The following TNRC6A variants were observed in gnomAD, a reference collection of about 807,000 sequenced individuals.
The protein encoded by TNRC6A is trinucleotide repeat-containing gene 6A protein.
A neutral mutation model predicts 221.2 loss-of-function variants in TNRC6A; 44 were observed. The observed-to-expected ratio is 0.20, with a 90% CI of 0.16 to 0.26. The LOEUF (loss-of-function observed/expected upper bound fraction) is 0.26. Ranked by LOEUF, TNRC6A falls within the 10% of genes least tolerant of loss-of-function variation. TNRC6A has a pLI of 1.00. For missense variants in TNRC6A, 2,199 were observed against 2,404.4 expected (o/e 0.91, Z 1.79); for synonymous variants, 847 against 838.5 (o/e 1.01, Z -0.18).
intron 2 of TNRC6A, among the ~76,000 whole-genome samples, chr16:24,715,473 C>A (rs117745534): frequency 6.6e-6 from 1 of 152,158 alleles, no homozygotes; most frequent in Middle Eastern, 3.4e-3. Context: ...AAGTACCATA[C>A]CTAATGTCTG....
chr16:24,611,914 G>GA (rs1900073291), intron 1 of TNRC6A, among the ~76,000 whole-genome samples: 1 of 151,762 alleles, frequency 6.6e-6, no homozygotes, highest in Admixed American at 6.6e-5. Flanking sequence ...CCAACATAGA[G>GA]AAAACCCCAT....
chr16:24,666,708 G>A (rs1372924081), intron 2 of TNRC6A, among the ~76,000 whole-genome samples: 1 of 144,612 alleles, frequency 6.9e-6, no homozygotes, highest in Admixed American at 7.1e-5. Flanking sequence ...AGGGGCAGGG[G>A]CAGTGGTGAC....
intron 1 of TNRC6A, among the ~76,000 whole-genome samples, chr16:24,613,867 A>G (rs937898453): frequency 6.6e-6 from 1 of 152,104 alleles, no homozygotes; most frequent in Non-Finnish European, 1.5e-5. Context: ...GAAGGAGCAT[A>G]CTTGGATTTG....
At chr16:24,759,927 C>T (rs933391331) in intron 4 of TNRC6A, among the ~76,000 whole-genome samples, 1 of 152,060 alleles carries the variant, frequency 6.6e-6, no homozygotes, top group Non-Finnish European at 1.5e-5. Flanking sequence ...AGGAATGTTA[C>T]CAAATTAATT....
rs1467935173 is a variant in TNRC6A, at chr16:24,814,405, T to TTTTC, written c.4673-738_4673-735dup. On this transcript the variant is annotated intron_variant, in intron 18 of 24. Coordinates refer to ENST00000395799, the MANE Select transcript of TNRC6A (RefSeq NM_014494.4). ...GTGTCATTTTTTTCTTTTCTTTTTTTTTTCTTTTTTTTTTTTTTTTTGGAG... is the reference window on the plus strand; with the variant it reads ...GTGTCATTTTTTTCTTTTCTTTTTTTTTTCTTTCTTTTTTTTTTTTTTTTTGGAG... Among the ~76,000 whole-genome samples, 824 of 138,730 alleles carry TTTTC rather than the reference T, an allele frequency of 5.9e-3. 5 individuals carry two copies. Among genetic ancestry groups the TTTTC allele is most frequent in the Non-Finnish European group, 9.3e-3 (614 of 65,894 alleles). The allele number at this position is 138,730 out of a possible 152,430, so 91.0% of individuals were successfully genotyped here. A position where few individuals can be genotyped will look rare whatever the true frequency, so the allele number is the denominator to read the frequency against.
intron 2 of TNRC6A, among the ~76,000 whole-genome samples, chr16:24,732,964 C>T (rs2056679270): frequency 6.6e-6 from 1 of 152,188 alleles, no homozygotes; most frequent in Admixed American, 6.5e-5. Flanking sequence ...CACCTATAAT[C>T]CCAGCACTTT....
At chr16:24,613,080 C>A (rs147634323) in intron 1 of TNRC6A, among the ~76,000 whole-genome samples, 3 of 131,076 alleles carry the variant, frequency 2.3e-5, no homozygotes, top group East Asian at 2.4e-4. Flanking sequence ...CGCACCATTG[C>A]GCTCTAACCT....
intron 2 of TNRC6A, 132 bp downstream of exon 2, chr16:24,730,432 G>A (rs1052661072): frequency 1.5e-4 from 153 of 1,022,884 alleles, no homozygotes; most frequent in Admixed American, 1.3e-3. Context: ...TTCGGGAGAA[G>A]CGGCCTGGGG....
chr16:24,656,658 AG>A (rs2054920172), intron 2 of TNRC6A, among the ~76,000 whole-genome samples: 1 of 152,158 alleles, frequency 6.6e-6, no homozygotes, highest in South Asian at 2.1e-4. Context: ...GTTAACAAAA[AG>A]GGCAAAATAT....
intron 11 of TNRC6A, among the ~76,000 whole-genome samples, chr16:24,800,537 A>G (rs1387811618): frequency 6.6e-6 from 1 of 152,212 alleles, no homozygotes; most frequent in East Asian, 1.9e-4. Flanking sequence ...GAGGCTGTGG[A>G]TAACAGAAGC....
At position 24,763,857 on chromosome 16, in the gene TNRC6A, GTTT is replaced by G. The variant is rs778974916; in HGVS notation, c.163+5498_163+5500del. Among the ~76,000 whole-genome samples, 31 of 152,086 alleles carry G rather than the reference GTTT, an allele frequency of 2.0e-4. 1 individual carries two copies. Among genetic ancestry groups the G allele is most frequent in the Non-Finnish European group, 3.7e-4 (25 of 68,006 alleles). On this transcript the variant is annotated intron_variant, in intron 4 of 24. Transcript: ENST00000395799. ...CACTCCATTTTCTCCATAAGATCTTGTTTATTATATATATTTAAGGTGTACAAC... is the reference window on the plus strand; with the variant it reads ...CACTCCATTTTCTCCATAAGATCTTGATTATATATATTTAAGGTGTACAAC...
chr16:24,666,715 T>G (rs1596631839), intron 2 of TNRC6A, among the ~76,000 whole-genome samples: 1 of 135,962 alleles, frequency 7.4e-6, no homozygotes, highest in South Asian at 2.3e-4. Flanking sequence ...GGGGCAGTGG[T>G]GACAGCTGGA....
chr16:24,616,897 G>A (rs1900383638), intron 1 of TNRC6A, among the ~76,000 whole-genome samples: 1 of 144,386 alleles, frequency 6.9e-6, no homozygotes, highest in African/African-American at 2.5e-5. Flanking sequence ...CTCCAGCCTG[G>A]GCCACAGAGT....
In TNRC6A at chr16:24,795,798, G is replaced by T. The variant is rs917229243; in HGVS notation, c.3529-109G>T. The T allele has an allele frequency of 3.8e-6, 4 of 1,047,232 alleles. No individual in the cohort carries two copies. In the South Asian group the frequency reaches 8.4e-5, roughly 22 times the overall value. The allele number at this position is 1,047,232 out of a possible 1,614,324, so 64.9% of individuals were successfully genotyped here. A position where few individuals can be genotyped will look rare whatever the true frequency, so the allele number is the denominator to read the frequency against. Reference sequence around the variant, plus strand: ...AAGGTGGTGACTTGCCCAAAGTTGCGATAACTAGTAAGCGACAGAGTAAGG... The same window carrying T: ...AAGGTGGTGACTTGCCCAAAGTTGCTATAACTAGTAAGCGACAGAGTAAGG... On this transcript the variant is annotated intron_variant, in intron 8 of 24. Transcript: ENST00000395799.
intron 4 of TNRC6A, among the ~76,000 whole-genome samples, chr16:24,765,950 G>A (rs541090344): frequency 2.6e-5 from 4 of 152,216 alleles, no homozygotes; most frequent in Non-Finnish European, 2.9e-5. Flanking sequence ...TCTAACAAAC[G>A]TAGATTTGTT....
intron 1 of TNRC6A, among the ~76,000 whole-genome samples, chr16:24,632,389 T>A (rs1179867664): frequency 6.6e-6 from 1 of 152,146 alleles, no homozygotes; most frequent in Non-Finnish European, 1.5e-5. Flanking sequence ...AGTTCTTTAA[T>A]CCCAAACTCT....
Position 24,805,058 on chromosome 16 carries a change from A to G in TNRC6A, c.4029A>G (p.Gln1343=). 6.2e-7 allele frequency: 1 copy of G among 1,613,940 alleles called. No homozygotes were observed. Among genetic ancestry groups the G allele is most frequent in the Non-Finnish European group, 8.5e-7 (1 of 1,180,002 alleles). The change falls in exon 14 of 25, where the codon CAA becomes CAG. Residue 1343 remains glutamine, a synonymous_variant. Coordinates refer to ENST00000395799, the MANE Select transcript of TNRC6A (RefSeq NM_014494.4). ...TTGGTGTTGGAAACACAGCAGCACA[A>G]CCCCGGGGCATGCAGCAGCCTCCAG... ...SMFGVGNTAA[Q]PRGMQQPPAQ...
chr16:24,733,755 T>C (rs953141548), intron 2 of TNRC6A, among the ~76,000 whole-genome samples: 23 of 152,204 alleles, frequency 1.5e-4, no homozygotes, highest in African/African-American at 5.1e-4. Flanking sequence ...TATTGCATGC[T>C]TTTTGTTGCG....
chr16:24,808,940 G>T, intron 17 of TNRC6A, among the ~76,000 whole-genome samples: 1 of 152,264 alleles, frequency 6.6e-6, no homozygotes. Flanking sequence ...ATCAGCAAAG[G>T]TCAAGTAAAT....
Sources: allele counts gnomAD v4.1 joint callset (sites outside exome capture counted in the v4.1 genomes callset), GRCh38; gene constraint gnomAD v4.1.1; transcripts MANE v1.5; gene names NCBI Gene and HGNC (gene_info 2026-07-23, HGNC 2026-07-21).